The following B3GAT2 variants were observed in gnomAD, a reference collection of about 807,000 sequenced individuals.
B3GAT2 encodes galactosylgalactosylxylosylprotein 3-beta-glucuronosyltransferase 2.
Under a neutral mutation model 27.8 loss-of-function variants are expected in B3GAT2, and 26 were observed. The observed-to-expected ratio is 0.93, with a 90% CI of 0.68 to 1.30. The LOEUF (loss-of-function observed/expected upper bound fraction) is 1.30. Among genes scored for constraint, B3GAT2 ranks in the 50% most tolerant of loss-of-function variants. The pLI is 0.00. For synonymous variants in B3GAT2, 218 were observed against 195.1 expected (o/e 1.12, Z -0.98); for missense variants, 458 against 459.0 (o/e 1.00, Z 0.02).
At chr6:70,929,602 A>C (rs1433191778) in intron 1 of B3GAT2, among the ~76,000 whole-genome samples, 1 of 152,210 alleles carries the variant, frequency 6.6e-6, no homozygotes, top group East Asian at 1.9e-4. Context: ...CAATTGCTTC[A>C]AAGAGAATAA....
chr6:70,919,284 T>C (rs1772827973), intron 1 of B3GAT2, among the ~76,000 whole-genome samples: 1 of 152,236 alleles, frequency 6.6e-6, no homozygotes, highest in African/African-American at 2.4e-5. Flanking sequence ...GTTATTGTAT[T>C]CTAGTTAGCC....
chr6:70,899,524 G>A (rs896371094), intron 1 of B3GAT2, among the ~76,000 whole-genome samples: 1 of 152,198 alleles, frequency 6.6e-6, no homozygotes, highest in Non-Finnish European at 1.5e-5. Context: ...AGATGACGTG[G>A]CGGGATGATG....
chr6:70,934,432 T>C (rs1773109851), intron 1 of B3GAT2, among the ~76,000 whole-genome samples: 1 of 147,246 alleles, frequency 6.8e-6, no homozygotes, highest in Non-Finnish European at 1.5e-5. Context: ...CATCCTGTAT[T>C]GTTATTAAAT....
chr6:70,908,400 C>T (rs966761113), intron 1 of B3GAT2, among the ~76,000 whole-genome samples: 6 of 152,054 alleles, frequency 3.9e-5, no homozygotes, highest in Non-Finnish European at 5.9e-5. Flanking sequence ...ATTAGTAAAG[C>T]GCTAAAATGC....
chr6:70,862,951 C>G (rs932990029), intron 2 of B3GAT2, among the ~76,000 whole-genome samples: 2 of 152,170 alleles, frequency 1.3e-5, no homozygotes, highest in African/African-American at 4.8e-5. Flanking sequence ...CAACTCCAGC[C>G]TGGGCAACAG....
rs1478050547 is a variant in B3GAT2, at chr6:70,858,184, G to A, written c.*3479C>T. 6.2e-7 allele frequency: 1 copy of A among 1,610,856 alleles called. No individual in the cohort carries two copies. The highest frequency in any genetic ancestry group is 8.5e-7 in the Non-Finnish European group (1 of 1,178,548). ...GACAAATGGGTGCACCCCAGAGTAA[G>A]TTTGGCCTGCCGCAAGCTCAGCAGC... On this transcript the variant is annotated 3_prime_UTR_variant, in exon 4 of 4. Coordinates refer to ENST00000230053, the MANE Select transcript of B3GAT2 (RefSeq NM_080742.3).
At chr6:70,896,804 C>A (rs79563789) in intron 1 of B3GAT2, among the ~76,000 whole-genome samples, 1 of 152,170 alleles carries the variant, frequency 6.6e-6, no homozygotes, top group Non-Finnish European at 1.5e-5. Flanking sequence ...TACACATTCA[C>A]CTGCTGAGGG....
At chr6:70,881,389 G>T (rs967153093) in intron 2 of B3GAT2, among the ~76,000 whole-genome samples, 3 of 152,060 alleles carry the variant, frequency 2.0e-5, no homozygotes, top group Non-Finnish European at 2.9e-5. Context: ...CTGTGTCTTG[G>T]TTTACTTTTT....
At chr6:70,889,852 G>C (rs191394058) in intron 2 of B3GAT2, among the ~76,000 whole-genome samples, 10 of 150,528 alleles carry the variant, frequency 6.6e-5, no homozygotes, top group Non-Finnish European at 1.2e-4. Flanking sequence ...GTGCAATCTC[G>C]GCTCACTGCA....
At chr6:70,929,037 A>C (rs1462916244) in intron 1 of B3GAT2, among the ~76,000 whole-genome samples, 1 of 152,218 alleles carries the variant, frequency 6.6e-6, no homozygotes, top group African/African-American at 2.4e-5. Flanking sequence ...GCCATAAAAA[A>C]GGATGAGTTC....
rs1396592239 is a variant in B3GAT2, at chr6:70,861,236, A to T, written c.*427T>A. ...ACTAACCTTCCAAAAATTACTTAGT[A>T]TTGCAAAGTCAGGAATCATCAGGAA... On this transcript the variant is annotated 3_prime_UTR_variant, in exon 4 of 4. Coordinates refer to ENST00000230053, the MANE Select transcript of B3GAT2 (RefSeq NM_080742.3). 1 of 173,414 alleles carries T rather than the reference A, an allele frequency of 5.8e-6. No homozygotes were observed. Among genetic ancestry groups the T allele is most frequent in the Non-Finnish European group, 1.2e-5 (1 of 80,062 alleles). The allele number at this position is 173,414 out of a possible 1,614,324, so 10.7% of individuals were successfully genotyped here. A position where few individuals can be genotyped will look rare whatever the true frequency, so the allele number is the denominator to read the frequency against.
chr6:70,889,023 G>A (rs919909376), intron 2 of B3GAT2, among the ~76,000 whole-genome samples: 3 of 152,160 alleles, frequency 2.0e-5, no homozygotes, highest in Non-Finnish European at 4.4e-5. Flanking sequence ...ACTCCTTGAG[G>A]CGAGGGGCTG....
At chr6:70,896,004 A>T (rs1772377496) in intron 1 of B3GAT2, among the ~76,000 whole-genome samples, 1 of 152,114 alleles carries the variant, frequency 6.6e-6, no homozygotes, top group Admixed American at 6.5e-5. Flanking sequence ...AGGTTATTTT[A>T]TCTGTCTGGG....
chr6:70,866,662 A>AAC (rs200256362), intron 2 of B3GAT2, among the ~76,000 whole-genome samples: 3 of 152,120 alleles, frequency 2.0e-5, no homozygotes, highest in East Asian at 1.9e-4. Context: ...AGGCAAGACC[A>AAC]ACACACACAC....
intron 2 of B3GAT2, among the ~76,000 whole-genome samples, chr6:70,889,163 T>C (rs1000220518): frequency 2.0e-5 from 3 of 152,168 alleles, no homozygotes; most frequent in Non-Finnish European, 4.4e-5. Context: ...TCTCACCTTT[T>C]TTCTGGGAGT....
intron 1 of B3GAT2, among the ~76,000 whole-genome samples, chr6:70,901,456 T>C (rs759440844): frequency 2.0e-5 from 3 of 152,110 alleles, no homozygotes; most frequent in African/African-American, 7.2e-5. Context: ...AGCATTCAAA[T>C]AAGACAAAAA....
At chr6:70,918,176 T>C (rs763487597) in intron 1 of B3GAT2, among the ~76,000 whole-genome samples, 4 of 152,220 alleles carry the variant, frequency 2.6e-5, no homozygotes, top group Non-Finnish European at 5.9e-5. Context: ...TTTGTCTCTT[T>C]TGATCTTTGT....
chr6:70,895,105 C>T (rs1476832623), intron 1 of B3GAT2, among the ~76,000 whole-genome samples: 1 of 152,202 alleles, frequency 6.6e-6, no homozygotes, highest in East Asian at 1.9e-4. Context: ...CGGGCAGACA[C>T]ACCCCATGCT....
rs978159312 is a variant in B3GAT2 at position 70,928,237 on chromosome 6, G to A, written c.591+27602C>T. On this transcript the variant is annotated intron_variant, in intron 1 of 3. Transcript: ENST00000230053. ...AATGCCCACAAGAGAAAGCAGGAAA[G>A]ACTGAAAATCGACACCCTAACATCA... Among the ~76,000 whole-genome samples, 5 of 152,114 alleles carry A rather than the reference G, an allele frequency of 3.3e-5. No homozygotes were observed. The South Asian group carries it at 1.0e-3, about 32-fold the overall frequency.
Sources: allele counts gnomAD v4.1 joint callset (sites outside exome capture counted in the v4.1 genomes callset), GRCh38; gene constraint gnomAD v4.1.1; transcripts MANE v1.5; gene names NCBI Gene and HGNC (gene_info 2026-07-23, HGNC 2026-07-21).